Variants in MLXIPL observed in about 807,000 individuals in gnomAD.
MLXIPL encodes the protein MLX interacting protein like, also known as carbohydrate-responsive element-binding protein.
In MLXIPL, 49 loss-of-function variants were observed where a neutral mutation model predicts 81.5. The observed-to-expected ratio is 0.60, with a 90% confidence interval of 0.48 to 0.76. The LOEUF (loss-of-function observed/expected upper bound fraction) is 0.76, where lower values mean the gene tolerates loss of function less well. MLXIPL is among the 30% of genes least tolerant of loss of function. The probability of loss-of-function intolerance (pLI) is 0.00; values close to 1 mark genes in which losing one functional copy is unlikely to be tolerated. For missense variants in MLXIPL, 1,053 were observed against 1,167.0 expected (o/e 0.90, Z 1.42); for synonymous variants, 466 against 485.5 (o/e 0.96, Z 0.53).
the MLXIPL span, among the ~76,000 whole-genome samples, chr7:73,647,139 TG>T: frequency 1.3e-5 from 2 of 151,364 alleles, no homozygotes; most frequent in South Asian, 4.2e-4. Flanking sequence ...AGCCCAGAGG[TG>T]GGGGCAGGGT....
At chr7:73,638,165 G>A in the MLXIPL span, among the ~76,000 whole-genome samples, 1 of 151,936 alleles carries the variant, frequency 6.6e-6, no homozygotes, top group Non-Finnish European at 1.5e-5. Context: ...TAGCACCCTC[G>A]GACACCATTT....
Position 73,596,393 on chromosome 7 carries a change from G to A in MLXIPL, c.1909C>T (p.Leu637Phe). ...TTGCTGTCTGGACGGCCCCGGCTGAGGATGGGTTGCGGGGGAGAGACACGG... is the reference window on the plus strand; with the variant it reads ...TTGCTGTCTGGACGGCCCCGGCTGAAGATGGGTTGCGGGGGAGAGACACGG... Reference protein sequence around the residue: ...SVRVSPPQPILSRGRPDSNKT... With the variant: ...SVRVSPPQPIFSRGRPDSNKT... The change falls in exon 12 of 17, where the codon CTC becomes TTC. Residue 637 changes from leucine to phenylalanine, a missense_variant. Around this residue, in one of 3 missense-constraint regions of MLXIPL, gnomAD observed 823 missense variants for 933.0 expected, o/e 0.88. Coordinates refer to ENST00000313375, the MANE Select transcript of MLXIPL (RefSeq NM_032951.3). The surrounding 1 kb of genome is among the most constrained non-coding windows in gnomAD (Gnocchi z 4.7). 3.1e-6 allele frequency: 5 copies of A among 1,613,164 alleles called. No individual in the cohort carries two copies. The highest frequency in any genetic ancestry group is 4.2e-6 in the Non-Finnish European group (5 of 1,179,948).
chr7:73,605,982 A>G lies in MLXIPL; in HGVS notation c.748T>C (p.Ser250Pro). The change falls in exon 6 of 17, where the codon TCC (serine) becomes CCC (proline). Residue 250 changes from serine to proline, a missense_variant. Ser to Pro is a moderately conservative substitution (Grantham distance 74). Around this residue, in one of 3 missense-constraint regions of MLXIPL, gnomAD observed 823 missense variants for 933.0 expected, o/e 0.88. Transcript: ENST00000313375. The part of the protein sequence containing the change: ...RQLLDLNCFL[S>P]DISDTLFTMT... ...GTGAAGAGAGTGTCTGAGATGTCGG[A>G]CAAAAAGCAATTGAGGTCCAGGAGC... The G allele has an allele frequency of 6.3e-7, 1 of 1,592,674 alleles. No individual in the cohort carries two copies. The highest frequency in any genetic ancestry group is 8.6e-7 in the Non-Finnish European group (1 of 1,169,514).
At chr7:73,598,036 C>T (rs999080645) in intron 8 of MLXIPL, among the ~76,000 whole-genome samples, 2 of 152,062 alleles carry the variant, frequency 1.3e-5, no homozygotes, top group Admixed American at 1.3e-4. Flanking sequence ...CCAATCCATC[C>T]ACCAACCAAC....
Position 73,596,941 on chromosome 7 carries a change from G to A in MLXIPL, c.1604-9C>T, listed in dbSNP as rs202008010. On this transcript the variant is annotated splice_polypyrimidine_tract_variant and intron_variant, in intron 9 of 16. Coordinates refer to ENST00000313375, the MANE Select transcript of MLXIPL (RefSeq NM_032951.3). This position sits in a 1 kb window ranked among gnomAD's most constrained non-coding sequence, Gnocchi z 4.7. ...GGCTTGCTCCGGCTTAGCTGTGCAC[G>A]GGCAGAACCGTGAGGCTACTGGGGC... 6.8e-5 allele frequency: 110 copies of A among 1,606,836 alleles called. No individual in the cohort carries two copies. The African/African-American group carries it at 1.2e-3, about 17-fold the overall frequency.
chr7:73,624,860 C>A (rs1796641946), upstream of MLXIPL, among the ~76,000 whole-genome samples: 1 of 152,062 alleles, frequency 6.6e-6, no homozygotes, highest in African/African-American at 2.4e-5. Context: ...GAGTTCGAGA[C>A]CAGCCTGAGC....
the MLXIPL span, among the ~76,000 whole-genome samples, chr7:73,633,625 T>A: frequency 3.3e-5 from 5 of 152,112 alleles, no homozygotes. Context: ...GGCTAATTTT[T>A]ATTTTTTTTG....
intron 4 of MLXIPL, 149 bp from the exon 5 acceptor site, chr7:73,607,167 C>T (rs1554598448): frequency 3.2e-6 from 4 of 1,269,220 alleles, no homozygotes; most frequent in Non-Finnish European, 4.5e-6. Flanking sequence ...CGCTAGGAGA[C>T]GCTGTGGCCA....
intron 1 of MLXIPL, among the ~76,000 whole-genome samples, chr7:73,621,477 C>G (rs921965470): frequency 6.6e-6 from 1 of 151,916 alleles, no homozygotes; most frequent in Non-Finnish European, 1.5e-5. Context: ...CTTCTGAACT[C>G]TCTGCCTTAC....
intron 5 of MLXIPL, chr7:73,606,411 GTTTTCT>G (rs1159942205): frequency 4.3e-5 from 20 of 470,234 alleles, no homozygotes; most frequent in African/African-American, 3.3e-4. Context: ...TTTTTTGTTT[GTTTTCT>G]TTTTCTTTTT....
At chr7:73,644,475 G>A in the MLXIPL span, among the ~76,000 whole-genome samples, 1 of 152,076 alleles carries the variant, frequency 6.6e-6, no homozygotes, top group South Asian at 2.1e-4. Context: ...CTCCCAAAGT[G>A]TTAAAATTGC....
chr7:73,603,162 G>A (rs1473175209), intron 7 of MLXIPL, among the ~76,000 whole-genome samples: 1 of 152,084 alleles, frequency 6.6e-6, no homozygotes, highest in Non-Finnish European at 1.5e-5. Flanking sequence ...GACCTCCCCA[G>A]TGGGAGGCTC....
the MLXIPL span, among the ~76,000 whole-genome samples, chr7:73,632,373 T>C: frequency 6.6e-6 from 1 of 152,150 alleles, no homozygotes; most frequent in African/African-American, 2.4e-5. Flanking sequence ...AGTTAGATAC[T>C]TATGACATGT....
At chr7:73,636,515 G>C in the MLXIPL span, among the ~76,000 whole-genome samples, 1 of 152,106 alleles carries the variant, frequency 6.6e-6, no homozygotes, top group Admixed American at 6.6e-5. Flanking sequence ...GGGAACCAGA[G>C]TAATGAGTCA....
At chr7:73,595,810 C>T (rs1554593478) in intron 14 of MLXIPL, 32 bp downstream of exon 14, 2 of 1,585,998 alleles carry the variant, frequency 1.3e-6, no homozygotes, top group South Asian at 1.1e-5. Context: ...GCATGGCCCC[C>T]TGGTCCCAGC....
At chr7:73,606,422 C>CTT in intron 5 of MLXIPL, 1 of 445,066 alleles carries the variant, frequency 2.2e-6, no homozygotes. Flanking sequence ...TTTTCTTTTT[C>CTT]TTTTTCTTTT....
the MLXIPL span, among the ~76,000 whole-genome samples, chr7:73,639,322 A>G: frequency 6.6e-6 from 1 of 152,244 alleles, no homozygotes; most frequent in Non-Finnish European, 1.5e-5. Context: ...CATCAAATTT[A>G]CTTCTAGGAA....
the MLXIPL span, among the ~76,000 whole-genome samples, chr7:73,630,248 C>T: frequency 2.0e-5 from 3 of 148,246 alleles, no homozygotes; most frequent in South Asian, 2.1e-4. Context: ...CTGCCCGCCT[C>T]GGCCTCCCAA....
the MLXIPL span, among the ~76,000 whole-genome samples, chr7:73,635,533 TTCCATCCA>T: frequency 9.2e-5 from 14 of 151,484 alleles, no homozygotes; most frequent in African/African-American, 2.2e-4. Context: ...CCATCTCTTC[TTCCATCCA>T]TCCATCCATC....
Sources: gnomAD v4.1 joint callset for allele counts (sites outside exome capture counted in the v4.1 genomes callset) on GRCh38, gnomAD v4.1.1 for gene constraint, gnomAD v4.1.1 regional missense constraint, Gnocchi (gnomAD v3.1) non-coding constraint, MANE v1.5 for transcripts, NCBI Gene and HGNC (gene_info 2026-07-23, HGNC 2026-07-21) for gene names.